The following SPATA31C2 variants were observed in gnomAD, a reference collection of about 807,000 sequenced individuals.
SPATA31C2 encodes spermatogenesis-associated protein 31C2.
A neutral mutation model predicts 11.4 loss-of-function variants in SPATA31C2; 5 were observed. That is an observed-to-expected ratio of 0.44 (90% CI 0.23 to 0.92). The LOEUF (loss-of-function observed/expected upper bound fraction) is 0.92, where lower values mean the gene tolerates loss of function less well. Ranked by LOEUF, SPATA31C2 falls within the 40% of genes least tolerant of loss-of-function variation. The pLI, the probability that SPATA31C2 is intolerant of heterozygous loss-of-function variation, is 0.24. For missense variants in SPATA31C2, 1,353 were observed against 1,368.6 expected, an observed-to-expected ratio of 0.99 and a Z score of 0.18; for synonymous variants, 515 against 538.7, an observed-to-expected ratio of 0.96 and a Z score of 0.61.
rs1389192443 is a variant in SPATA31C2, at chr9:88,135,362, G to T, written c.190-1693C>A. Among the ~76,000 whole-genome samples the T allele has an allele frequency of 2.1e-5, 2 of 93,778 alleles. 1 individual carries two copies. The highest frequency in any genetic ancestry group is 3.6e-5 in the Non-Finnish European group (2 of 56,328). 61.5% of individuals were successfully genotyped at this position (93,778 alleles called of 152,430 possible). On this transcript the variant is annotated intron_variant, in intron 1 of 3. Transcript: ENST00000324915. The stretch of plus-strand genomic sequence containing the variant: ...CAGGGATTTTTATTTTCAGAATCTC[G>T]TTCGTCCTCAACTCCGGCTTTCCCA...
In SPATA31C2 at chr9:88,131,224, G is replaced by A; in HGVS notation, c.1813C>T (p.Gln605Ter). The change falls in exon 4 of 4, where the codon CAG (glutamine) becomes TAG (stop). Residue 605 changes from glutamine to a stop codon, truncating the protein, a stop_gained. Transcript: ENST00000324915. LOFTEE classifies it low-confidence loss of function (END_TRUNC). Reference protein sequence around the residue: ...SVRRSWLAVNQAFPVSNTHVK... With the variant: ...SVRRSWLAVN ...TGGGTGTTGGAGACGGGAAAAGCCT[G>A]GTTGACAGCAAGCCAGGATCGACGC... 6.2e-7 allele frequency: 1 copy of A among 1,611,946 alleles called. No individual in the cohort carries two copies. The highest frequency in any genetic ancestry group is 8.5e-7 in the Non-Finnish European group (1 of 1,179,870).
rs543575258 is a variant in SPATA31C2, at chr9:88,131,773, C to T, written c.1264G>A (p.Val422Ile). Residue 422 changes from valine (V) to isoleucine (I), a missense_variant, in exon 4 of 4, where the codon GTC becomes ATC. Around this residue, in one of 6 missense-constraint regions of SPATA31C2, gnomAD observed 1,075 missense variants for 992.8 expected, o/e 1.08. Coordinates refer to ENST00000324915, the MANE Select transcript of SPATA31C2 (RefSeq NM_001350978.3). Reference sequence around the variant, plus strand: ...AGGTTAGGAGTGGAGACACTAAAGACGTCCTGAGATTTTTGGACCCTAGAG... The same window carrying T: ...AGGTTAGGAGTGGAGACACTAAAGATGTCCTGAGATTTTTGGACCCTAGAG... ...LPSRVQKSQD[V>I]FSVSTPNLPQ... The T allele has an allele frequency of 2.7e-5, 43 of 1,611,810 alleles. No homozygotes were observed. In the East Asian group the frequency reaches 4.5e-4, roughly 17 times the overall value.
Position 88,130,635 on chromosome 9 carries a change from A to C in SPATA31C2, c.2402T>G (p.Val801Gly). The stretch of plus-strand genomic sequence containing the variant: ...TCCCAAGGGGACTGTGGGTTGTGGC[A>C]CTGCCTCCCTGGTCTCTCCAGCCCT... ...SSRAGETREA[V>G]PQPTVPLGTC... is the part of the protein sequence containing the mutation. The change falls in exon 4 of 4, where the codon GTG becomes GGG. Residue 801 changes from valine (V) to glycine (G), a missense_variant. This residue lies in a region of SPATA31C2 where 1,075 missense variants were observed against 992.8 expected (regional missense o/e 1.08). Transcript: ENST00000324915. The C allele has an allele frequency of 6.2e-7, 1 of 1,613,776 alleles. No homozygotes were observed. Among genetic ancestry groups the C allele is most frequent in the Admixed American group, 1.7e-5 (1 of 60,004 alleles).
At position 88,133,635 on chromosome 9, in the gene SPATA31C2, C is replaced by T. The variant is rs746857377; in HGVS notation, c.224G>A (p.Arg75Lys). 1.3e-6 allele frequency: 2 copies of T among 1,584,768 alleles called. No homozygotes were observed. The highest frequency in any genetic ancestry group is 1.7e-5 in the Admixed American group (1 of 58,774). Reference protein sequence around the residue: ...HLVSQRPAGRRGRPRGRMKNH... With the variant: ...HLVSQRPAGRKGRPRGRMKNH... ...TTTCATCCTGCCTCTGGGCCTCCCC[C>T]TCCGCCCTGCTGGACGCTGGGAGAC... The change falls in exon 2 of 4, where the codon AGG becomes AAG. Residue 75 changes from arginine (R) to lysine (K), a missense_variant. Physicochemically the swap from Arg to Lys is conservative, Grantham distance 26. This residue lies in a region of SPATA31C2 where 67 missense variants were observed against 41.4 expected (regional missense o/e 1.62). Transcript: ENST00000324915.
chr9:88,131,472 C>A lies in SPATA31C2; in HGVS notation c.1565G>T (p.Gly522Val). The change falls in exon 4 of 4, where the codon GGT becomes GTT. Residue 522 changes from glycine to valine, a missense_variant. Around this residue, in one of 6 missense-constraint regions of SPATA31C2, gnomAD observed 1,075 missense variants for 992.8 expected, o/e 1.08. Coordinates refer to ENST00000324915, the MANE Select transcript of SPATA31C2 (RefSeq NM_001350978.3). ...CCTGGATAGATTTTGTGGGGTCTCA[C>A]CCAGAATTTGCCCCAGATGTGGGCA... ...DPCPHLGQILGETPQNLSRGM... is the reference protein window; with the variant it reads ...DPCPHLGQILVETPQNLSRGM... 1 of 1,611,876 alleles carries A rather than the reference C, an allele frequency of 6.2e-7. No homozygotes were observed.
chr9:88,133,769 G>A, intron 1 of SPATA31C2, 100 bp from the exon 2 acceptor site: 2 of 1,417,274 alleles, frequency 1.4e-6, no homozygotes, highest in Non-Finnish European at 1.9e-6. Flanking sequence ...GGCTCTGTCT[G>A]TCTTGCTCAG....
In SPATA31C2 at chr9:88,130,652, T is replaced by C. The variant is rs1825573204; in HGVS notation, c.2385A>G (p.Gly795=). 7.4e-6 allele frequency: 12 copies of C among 1,613,886 alleles called. No homozygotes were observed. The highest frequency in any genetic ancestry group is 9.3e-6 in the Non-Finnish European group (11 of 1,179,826). ...GTTGTGGCACTGCCTCCCTGGTCTC[T>C]CCAGCCCTTGAAGATTGGGCTCCTA... ...RSLGAQSSRA[G]ETREAVPQPT... is the part of the protein sequence containing the mutation. The change falls in exon 4 of 4, where the codon GGA becomes GGG. Residue 795 remains glycine, a synonymous_variant. Transcript: ENST00000324915.
chr9:88,131,056 G>A lies in SPATA31C2; in HGVS notation c.1981C>T (p.Leu661=). The A allele has an allele frequency of 6.2e-7, 1 of 1,612,036 alleles. No individual in the cohort carries two copies. Among genetic ancestry groups the A allele is most frequent in the Non-Finnish European group, 8.5e-7 (1 of 1,179,852 alleles). ...ATGGGCTTGAGGACCCTGAGGGGTA[G>A]ACCCCACCTGTGTTTGGCCCAAAAC... ...VRFWAKHRWG[L]PLRVLKPIQC... is the part of the protein sequence containing the mutation. Residue 661 remains leucine (L), a synonymous_variant, in exon 4 of 4, where the codon CTA becomes TTA. Transcript: ENST00000324915.
Position 88,131,463 on chromosome 9 carries a change from G to A in SPATA31C2, c.1574C>T (p.Pro525Leu), listed in dbSNP as rs1825593022. Residue 525 changes from proline to leucine, a missense_variant, in exon 4 of 4, where the codon CCA (proline) becomes CTA (leucine). Around this residue, in one of 6 missense-constraint regions of SPATA31C2, gnomAD observed 1,075 missense variants for 992.8 expected, o/e 1.08. Coordinates refer to ENST00000324915, the MANE Select transcript of SPATA31C2 (RefSeq NM_001350978.3). ...PHLGQILGET[P>L]QNLSRGMESF... is the part of the protein sequence containing the mutation. Reference sequence around the variant, plus strand: ...TTCCATGCCCCTGGATAGATTTTGTGGGGTCTCACCCAGAATTTGCCCCAG... The same window carrying A: ...TTCCATGCCCCTGGATAGATTTTGTAGGGTCTCACCCAGAATTTGCCCCAG... The A allele has an allele frequency of 6.2e-7, 1 of 1,611,754 alleles. No individual in the cohort carries two copies. Among genetic ancestry groups the A allele is most frequent in the Admixed American group, 1.7e-5 (1 of 59,974 alleles).
Position 88,133,669 on chromosome 9 carries a change from G to T in SPATA31C2, c.190C>A (p.Arg64Ser), listed in dbSNP as rs774866069. 40 of 1,604,688 alleles carry T rather than the reference G, an allele frequency of 2.5e-5. No individual in the cohort carries two copies. The highest frequency in any genetic ancestry group is 3.2e-5 in the Non-Finnish European group (38 of 1,174,004). The change falls in exon 2 of 4, where the codon CGT becomes AGT. Residue 64 changes from arginine (R) to serine (S), a missense_variant and splice_region_variant. Physicochemically the swap from Arg to Ser is moderately radical, Grantham distance 110 (BLOSUM62 -1). Around this residue, in one of 6 missense-constraint regions of SPATA31C2, gnomAD observed 67 missense variants for 41.4 expected, o/e 1.62. Coordinates refer to ENST00000324915, the MANE Select transcript of SPATA31C2 (RefSeq NM_001350978.3). ...PPSPSPRKRK[R>S]HLVSQRPAGR... ...GCTGGACGCTGGGAGACAAGATGAC[G>T]CTGGGAGACAAGAAATGGCGAGGAG... is the stretch of plus-strand genomic sequence containing the variant.
At chr9:88,133,704 G>C (rs1335864814) in intron 1 of SPATA31C2, 35 bp from the exon 2 acceptor site, 5 of 1,538,618 alleles carry the variant, frequency 3.2e-6, no homozygotes, top group African/African-American at 1.4e-5. Context: ...GCTAGGACCG[G>C]CTCTCCCTCT....
intron 2 of SPATA31C2, 78 bp downstream of exon 2, chr9:88,133,516 A>G (rs1477810185): frequency 1.8e-5 from 28 of 1,572,208 alleles, no homozygotes; most frequent in Non-Finnish European, 2.2e-5. Context: ...AGGTTTTTTC[A>G]ACTGACTTCT....
Position 88,131,107 on chromosome 9 carries a change from G to C in SPATA31C2, c.1930C>G (p.Gln644Glu). Residue 644 changes from glutamine to glutamate, a missense_variant, in exon 4 of 4, where the codon CAG becomes GAG. Transcript: ENST00000324915. ...CTCACAATATGGGCTCCCAGCACCT[G>C]CTGAGTACACGGCTCAAGGAAGGAA... ...VLSFLEPCTQ[Q>E]VLGAHIVRFW... 6.2e-7 allele frequency: 1 copy of C among 1,612,050 alleles called. No individual in the cohort carries two copies. The highest frequency in any genetic ancestry group is 2.2e-5 in the East Asian group (1 of 44,868).
chr9:88,137,351 G>A (rs1242181030), intron 1 of SPATA31C2, among the ~76,000 whole-genome samples: 10 of 146,670 alleles, frequency 6.8e-5, no homozygotes, highest in South Asian at 4.3e-4. Flanking sequence ...TCAGCCGGGC[G>A]CGGTGGCTCA....
chr9:88,131,453 T>C lies in SPATA31C2; in HGVS notation c.1584A>G (p.Leu528=), dbSNP rs756873874. 19 of 1,611,836 alleles carry C rather than the reference T, an allele frequency of 1.2e-5. No homozygotes were observed. Among genetic ancestry groups the C allele is most frequent in the Non-Finnish European group, 1.4e-5 (17 of 1,179,808 alleles). Residue 528 remains leucine (L), a synonymous_variant, in exon 4 of 4, where the codon CTA becomes CTG. Coordinates refer to ENST00000324915, the MANE Select transcript of SPATA31C2 (RefSeq NM_001350978.3). ...CTGGGAAGCTTTCCATGCCCCTGGA[T>C]AGATTTTGTGGGGTCTCACCCAGAA... is the stretch of plus-strand genomic sequence containing the variant. The part of the protein sequence containing the change: ...GQILGETPQN[L]SRGMESFPGK...
rs780801798 is a variant in SPATA31C2 at position 88,131,363 on chromosome 9, G to A, written c.1674C>T (p.Asp558=). ...TGCGTCTTAATAAATCACTTCCTGAGTCACTCCTCAAGGGCTTCCTCAGGT... is the reference window on the plus strand; with the variant it reads ...TGCGTCTTAATAAATCACTTCCTGAATCACTCCTCAAGGGCTTCCTCAGGT... The part of the protein sequence containing the change: ...ERNLRKPLRS[D]SGSDLLRRTE... The change falls in exon 4 of 4, where the codon GAC becomes GAT. Residue 558 remains aspartate (D), a synonymous_variant. Transcript: ENST00000324915. The A allele has an allele frequency of 1.3e-5, 21 of 1,611,858 alleles. No homozygotes were observed. The highest frequency in any genetic ancestry group is 1.7e-5 in the Non-Finnish European group (20 of 1,179,888).
chr9:88,130,310 A>G lies in SPATA31C2; in HGVS notation c.2727T>C (p.Thr909=). Residue 909 remains threonine, a synonymous_variant, in exon 4 of 4, where the codon ACT becomes ACC. Transcript: ENST00000324915. ...VPQGHLQSMP[T]GNMQASQELC... is the part of the protein sequence containing the mutation. ...GCTCCTGGGAAGCCTGCATGTTCCC[A>G]GTAGGCATGCTCTGGAGATGGCCCT... is the stretch of plus-strand genomic sequence containing the variant. 6.2e-7 allele frequency: 1 copy of G among 1,608,852 alleles called. No homozygotes were observed. Among genetic ancestry groups the G allele is most frequent in the South Asian group, 1.1e-5 (1 of 90,810 alleles).
In SPATA31C2 at chr9:88,130,925, G is replaced by C; in HGVS notation, c.2112C>G (p.Ala704=). 1.2e-6 allele frequency: 2 copies of C among 1,613,692 alleles called. No homozygotes were observed. Among genetic ancestry groups the C allele is most frequent in the Non-Finnish European group, 1.7e-6 (2 of 1,179,878 alleles). The part of the protein sequence containing the change: ...ESGAGSKVEV[A]TFLGEPPMAS... The stretch of plus-strand genomic sequence containing the variant: ...CCATTGGTGGCTCTCCAAGGAACGT[G>C]GCCACCTCAACTTTTGAGCCAGCCC... The change falls in exon 4 of 4, where the codon GCC becomes GCG. Residue 704 remains alanine, a synonymous_variant. Transcript: ENST00000324915.
chr9:88,132,425 G>C lies in SPATA31C2; in HGVS notation c.612C>G (p.Pro204=), dbSNP rs746967347. The C allele has an allele frequency of 1.9e-5, 31 of 1,611,114 alleles. No individual in the cohort carries two copies. The Admixed American group carries it at 3.2e-4, about 17-fold the overall frequency. ...GGTGAGGGAAAAGTGCAGGTGGCTC[G>C]GGTGAGGGATGTTCTAGGAGAAGGG... ...EPSLLLEHPS[P]EPPALFPHPP... Residue 204 remains proline (P), a synonymous_variant, in exon 4 of 4, where the codon CCC becomes CCG. Coordinates refer to ENST00000324915, the MANE Select transcript of SPATA31C2 (RefSeq NM_001350978.3).
Sources: gnomAD v4.1 joint callset for allele counts (sites outside exome capture counted in the v4.1 genomes callset) on GRCh38, gnomAD v4.1.1 for gene constraint, gnomAD v4.1.1 regional missense constraint, MANE v1.5 for transcripts, NCBI Gene and HGNC (gene_info 2026-07-23, HGNC 2026-07-21) for gene names.